Variants in PIK3C2G observed in about 807,000 individuals in gnomAD.
The protein encoded by PIK3C2G is phosphatidylinositol-4-phosphate 3-kinase catalytic subunit type 2 gamma, also known as phosphatidylinositol 3-kinase C2 domain-containing subunit gamma.
In PIK3C2G, 168 loss-of-function variants were observed where a neutral mutation model predicts 181.1. The ratio of observed to expected loss-of-function variants is 0.93; its 90% CI spans 0.82 to 1.05. The LOEUF is 1.05. PIK3C2G is among the 50% of genes least tolerant of loss of function. PIK3C2G has a pLI of 0.00. For synonymous variants in PIK3C2G, 573 were observed against 592.2 expected, an observed-to-expected ratio of 0.97 and a Z score of 0.47; for missense variants, 1,869 against 1,732.8, an observed-to-expected ratio of 1.08 and a Z score of -1.40.
intron 5 of PIK3C2G, among the ~76,000 whole-genome samples, chr12:18,298,401 G>GTTTT (rs773786563): frequency 9.2e-6 from 1 of 108,974 alleles, no homozygotes; most frequent in African/African-American, 3.2e-5. Flanking sequence ...TAGTTTGTGT[G>GTTTT]TTTTTTCTTT....
the PIK3C2G span, among the ~76,000 whole-genome samples, chr12:18,663,332 C>T: frequency 5.3e-5 from 8 of 151,998 alleles, no homozygotes; most frequent in Non-Finnish European, 1.2e-4. Flanking sequence ...AACCATGAGT[C>T]CAGAAAAACT....
At chr12:18,487,134 G>GTGTGTA (rs1491040674) in intron 18 of PIK3C2G, among the ~76,000 whole-genome samples, 1 of 150,326 alleles carries the variant, frequency 6.7e-6, no homozygotes, top group Non-Finnish European at 1.5e-5. Context: ...GTGTGTGTGT[G>GTGTGTA]TAAATGCTTT....
At chr12:18,677,006 G>A in the PIK3C2G span, among the ~76,000 whole-genome samples, 4 of 152,104 alleles carry the variant, frequency 2.6e-5, no homozygotes, top group South Asian at 4.1e-4. Context: ...ACAGATATTT[G>A]TCATAAATCA....
intron 29 of PIK3C2G, among the ~76,000 whole-genome samples, chr12:18,593,860 C>G (rs1315433413): frequency 6.6e-6 from 1 of 151,336 alleles, no homozygotes; most frequent in Non-Finnish European, 1.5e-5. Context: ...TAATTGTGTT[C>G]TAAAGAGAGA....
chr12:18,347,692 T>G (rs756787845), intron 11 of PIK3C2G, among the ~76,000 whole-genome samples: 2 of 151,964 alleles, frequency 1.3e-5, no homozygotes, highest in Non-Finnish European at 2.9e-5. Flanking sequence ...GTGCCTGTAA[T>G]CCCAGCTACT....
chr12:18,538,840 T>C (rs553787324), intron 25 of PIK3C2G, among the ~76,000 whole-genome samples: 1 of 151,930 alleles, frequency 6.6e-6, no homozygotes, highest in Non-Finnish European at 1.5e-5. Context: ...TACTGAGTCA[T>C]GGTCCTACAC....
chr12:18,588,546 A>G (rs901985009), intron 29 of PIK3C2G, among the ~76,000 whole-genome samples: 2 of 152,118 alleles, frequency 1.3e-5, no homozygotes, highest in Non-Finnish European at 2.9e-5. Context: ...GTGAGGTACC[A>G]TCTTACACCA....
At chr12:18,614,712 A>G (rs1948509779) in intron 31 of PIK3C2G, among the ~76,000 whole-genome samples, 1 of 152,142 alleles carries the variant, frequency 6.6e-6, no homozygotes. Flanking sequence ...GAAACTTCAA[A>G]GATAATATGA....
chr12:18,390,199 CAAAT>C (rs1314282027), intron 14 of PIK3C2G, among the ~76,000 whole-genome samples: 8 of 152,074 alleles, frequency 5.3e-5, no homozygotes, highest in African/African-American at 1.7e-4. Flanking sequence ...AAAACTTTTT[CAAAT>C]AAATAAGCGC....
At chr12:18,275,947 T>A (rs941901530) in intron 1 of PIK3C2G, among the ~76,000 whole-genome samples, 5 of 152,176 alleles carry the variant, frequency 3.3e-5, no homozygotes, top group African/African-American at 1.2e-4. Flanking sequence ...GAGCAGCAAA[T>A]AAATTATTGA....
intron 18 of PIK3C2G, among the ~76,000 whole-genome samples, chr12:18,431,465 A>G (rs1946154797): frequency 6.6e-6 from 1 of 152,238 alleles, no homozygotes; most frequent in East Asian, 1.9e-4. Context: ...ATAAAAGCAG[A>G]GAGGCAAGGC....
At chr12:18,689,393 C>A in the PIK3C2G span, among the ~76,000 whole-genome samples, 2 of 152,142 alleles carry the variant, frequency 1.3e-5, no homozygotes, top group South Asian at 4.1e-4. Context: ...GCTTTGAATG[C>A]GGCCCAACGC....
intron 12 of PIK3C2G, among the ~76,000 whole-genome samples, chr12:18,365,247 T>C (rs1941559282): frequency 6.6e-6 from 1 of 152,206 alleles, no homozygotes; most frequent in Non-Finnish European, 1.5e-5. Flanking sequence ...TTACATCCCA[T>C]GAATAGTATT....
intron 5 of PIK3C2G, among the ~76,000 whole-genome samples, chr12:18,308,495 A>G (rs1950509187): frequency 2.8e-5 from 3 of 108,780 alleles, no homozygotes; most frequent in African/African-American, 9.8e-5. Flanking sequence ...AAGCTCTAAA[A>G]TATAGTAAAA....
At chr12:18,500,658 G>T (rs572916512) in intron 22 of PIK3C2G, among the ~76,000 whole-genome samples, 1 of 152,156 alleles carries the variant, frequency 6.6e-6, no homozygotes, top group Admixed American at 6.5e-5. Context: ...GATTGTAAAT[G>T]CACCAATCAG....
chr12:18,257,851 A>AAGAAAGAGAAAGGAAAAGAAAG (rs1948163741), upstream of PIK3C2G, among the ~76,000 whole-genome samples: 2 of 48,894 alleles, frequency 4.1e-5, no homozygotes, highest in African/African-American at 1.1e-4. Flanking sequence ...AAGAAAGAGA[A>AAGAAAGAGAAAGGAAAAGAAAG]AGAAAGAAAG....
intron 32 of PIK3C2G, among the ~76,000 whole-genome samples, chr12:18,643,590 A>C (rs1453301308): frequency 6.6e-6 from 1 of 151,706 alleles, no homozygotes; most frequent in Non-Finnish European, 1.5e-5. Context: ...AAGAATATTT[A>C]TAAGAAATGC....
chr12:18,370,640 A>G lies in PIK3C2G; in HGVS notation c.1749-540A>G, dbSNP rs540197921. Among the ~76,000 whole-genome samples the G allele has an allele frequency of 3.9e-5, 6 of 152,260 alleles. No homozygotes were observed. In the South Asian group the frequency reaches 1.2e-3, roughly 32 times the overall value. On this transcript the variant is annotated intron_variant, in intron 12 of 32. Coordinates refer to ENST00000538779, the MANE Select transcript of PIK3C2G (RefSeq NM_001288772.2). ...CTGGCAACCACCTATCTTTCTAATT[A>G]CATCCTCCACAATCTCCCCTATCAA...
the PIK3C2G span, among the ~76,000 whole-genome samples, chr12:18,675,360 A>C: frequency 9.2e-5 from 14 of 152,106 alleles, no homozygotes; most frequent in Non-Finnish European, 5.9e-5. Context: ...GTACATTGAG[A>C]CTATACCAAC....
Sources: allele counts gnomAD v4.1 joint callset (sites outside exome capture counted in the v4.1 genomes callset), GRCh38; gene constraint gnomAD v4.1.1; transcripts MANE v1.5; gene names NCBI Gene and HGNC (gene_info 2026-07-23, HGNC 2026-07-21).